HTRA2: variants seen among roughly 807,000 people sequenced by gnomAD.
HTRA2 encodes the protein serine protease HTRA2, mitochondrial.
In HTRA2, 24 loss-of-function variants were observed where a neutral mutation model predicts 42.2. The ratio of observed to expected loss-of-function variants is 0.57; its 90% CI spans 0.41 to 0.80. The LOEUF (loss-of-function observed/expected upper bound fraction) is 0.80. HTRA2 is among the 30% of genes least tolerant of loss of function. The pLI is 0.00. For missense variants in HTRA2, 466 were observed against 613.5 expected (o/e 0.76, Z 2.54); for synonymous variants, 245 against 255.8 (o/e 0.96, Z 0.40).
At position 74,530,288 on chromosome 2, in the gene HTRA2, G is replaced by A. The variant is rs1170065193; in HGVS notation, c.282G>A (p.Glu94=). 2.5e-6 allele frequency: 4 copies of A among 1,604,438 alleles called. No individual in the cohort carries two copies. In the African/African-American group the frequency reaches 5.4e-5, roughly 21 times the overall value. ...TAVTPDTRTR[E]ASENSGTRSR... ...TGACCCCAGATACCAGGACCCGGGA[G>A]GCCTCAGAGAACTCTGGAACCCGTT... is the stretch of plus-strand genomic sequence containing the variant. Residue 94 remains glutamate (E), a synonymous_variant, in exon 1 of 8, where the codon GAG becomes GAA. Transcript: ENST00000258080. The surrounding 1 kb of genome is among the most constrained non-coding windows in gnomAD (Gnocchi z 7.4).
chr2:74,531,110 G>A lies in HTRA2; in HGVS notation c.906+5G>A. The A allele has an allele frequency of 1.2e-6, 2 of 1,613,864 alleles. No homozygotes were observed. The highest frequency in any genetic ancestry group is 1.7e-6 in the Non-Finnish European group (2 of 1,179,800). On this transcript the variant is annotated splice_donor_5th_base_variant and intron_variant, in intron 3 of 7. Coordinates refer to ENST00000258080, the MANE Select transcript of HTRA2 (RefSeq NM_013247.5). Reference sequence around the variant, plus strand: ...CAAACTGATGCAGCTATTGATGTGCGTCCTGATAGGAGAGAAATGACAAAT... The same window carrying A: ...CAAACTGATGCAGCTATTGATGTGCATCCTGATAGGAGAGAAATGACAAAT...
In HTRA2 at chr2:74,532,862, G is replaced by A. The variant is rs757019720; in HGVS notation, c.1254G>A (p.Glu418=). Residue 418 remains glutamate, a synonymous_variant, in exon 8 of 8, where the codon GAG becomes GAA. Transcript: ENST00000258080. ...RPGDVILAIG[E]QMVQNAEDVY... ...GTGATGTGATTTTGGCCATTGGGGA[G>A]CAGATGGTACAAAATGCTGAAGATG... is the stretch of plus-strand genomic sequence containing the variant. The A allele has an allele frequency of 1.2e-6, 2 of 1,614,152 alleles. No homozygotes were observed. The highest frequency in any genetic ancestry group is 1.6e-4 in the Middle Eastern group (1 of 6,062).
chr2:74,530,836 A>G lies in HTRA2; in HGVS notation c.711+15A>G, dbSNP rs772822408. The G allele has an allele frequency of 1.2e-6, 2 of 1,614,178 alleles. No homozygotes were observed. The highest frequency in any genetic ancestry group is 1.7e-6 in the Non-Finnish European group (2 of 1,180,020). On this transcript the variant is annotated intron_variant, in intron 2 of 7. Coordinates refer to ENST00000258080, the MANE Select transcript of HTRA2 (RefSeq NM_013247.5). This position sits in a 1 kb window ranked among gnomAD's most constrained non-coding sequence, Gnocchi z 7.4. ...TTCAGACTAAGGTGGGGGCTGGGGT[A>G]GGCCAGGTCTGGTTGGAGCTGCTTA...
intron 6 of HTRA2, 130 bp from the exon 7 acceptor site, chr2:74,532,489 T>C: frequency 1.4e-6 from 1 of 731,938 alleles, no homozygotes; most frequent in Non-Finnish European, 2.4e-6. Flanking sequence ...TGAGTTGCCA[T>C]TGTATTTTGT....
At chr2:74,531,266 A>G in intron 3 of HTRA2, 73 bp from the exon 4 acceptor site, 2 of 1,581,112 alleles carry the variant, frequency 1.3e-6, no homozygotes, top group South Asian at 1.1e-5. Context: ...ATTTGGAGAA[A>G]GTACCTACAT....
chr2:74,530,404 C>T lies in HTRA2; in HGVS notation c.398C>T (p.Ala133Val). ...GGGRGPPAVL[A>V]AVPSPPPASP... ...GGTCGGGGTCCTCCGGCCGTCCTCG[C>T]CGCCGTCCCTAGCCCGCCGCCCGCT... The change falls in exon 1 of 8, where the codon GCC becomes GTC. Residue 133 changes from alanine to valine, a missense_variant. Around this residue, in one of 3 missense-constraint regions of HTRA2, gnomAD observed 222 missense variants for 205.1 expected, o/e 1.08. Coordinates refer to ENST00000258080, the MANE Select transcript of HTRA2 (RefSeq NM_013247.5). This position sits in a 1 kb window ranked among gnomAD's most constrained non-coding sequence, Gnocchi z 7.4. 1 of 1,596,984 alleles carries T rather than the reference C, an allele frequency of 6.3e-7. No individual in the cohort carries two copies.
chr2:74,531,377 T>C lies in HTRA2; in HGVS notation c.939+6T>C. 6.2e-7 allele frequency: 1 copy of C among 1,613,992 alleles called. No homozygotes were observed. Among genetic ancestry groups the C allele is most frequent in the Non-Finnish European group, 8.5e-7 (1 of 1,179,892 alleles). ...GAGGTCCCCTGGTTAACCTGGTGAGTGAGACATCCTTCCTTCCAAGAATCC... is the reference window on the plus strand; with the variant it reads ...GAGGTCCCCTGGTTAACCTGGTGAGCGAGACATCCTTCCTTCCAAGAATCC... On this transcript the variant is annotated splice_donor_region_variant and intron_variant, in intron 4 of 7. Transcript: ENST00000258080.
Position 74,530,449 on chromosome 2 carries a change from A to T in HTRA2, c.443A>T (p.Asn148Ile). 6.2e-7 allele frequency: 1 copy of T among 1,606,248 alleles called. No individual in the cohort carries two copies. Among genetic ancestry groups the T allele is most frequent in the Non-Finnish European group, 8.5e-7 (1 of 1,179,882 alleles). ...PPPASPRSQY[N>I]FIADVVEKTA... ...CCCGCTTCTCCCCGGAGTCAGTACAACTTCATCGCAGATGTGGTGGAGAAG... is the reference window on the plus strand; with the variant it reads ...CCCGCTTCTCCCCGGAGTCAGTACATCTTCATCGCAGATGTGGTGGAGAAG... The change falls in exon 1 of 8, where the codon AAC (asparagine) becomes ATC (isoleucine). Residue 148 changes from asparagine to isoleucine, a missense_variant. Transcript: ENST00000258080. The surrounding 1 kb of genome is among the most constrained non-coding windows in gnomAD (Gnocchi z 7.4).
chr2:74,531,903 A>T lies in HTRA2; in HGVS notation c.1093A>T (p.Met365Leu), dbSNP rs1292769961. 6.2e-7 allele frequency: 1 copy of T among 1,614,094 alleles called. No homozygotes were observed. Among genetic ancestry groups the T allele is most frequent in the Admixed American group, 1.7e-5 (1 of 60,018 alleles). The part of the protein sequence containing the change: ...SGSQRRYIGV[M>L]MLTLSPSILA... ...GTCCCAGCGGCGCTACATTGGGGTG[A>T]TGATGCTGACCCTGAGTCCCAGGTA... Residue 365 changes from methionine (M) to leucine (L), a missense_variant, in exon 6 of 8, where the codon ATG becomes TTG. Transcript: ENST00000258080.
Position 74,530,016 on chromosome 2 carries a change from C to G in HTRA2, c.10C>G (p.Pro4Ala). The G allele has an allele frequency of 6.5e-7, 1 of 1,540,098 alleles. No individual in the cohort carries two copies. The highest frequency in any genetic ancestry group is 1.2e-5 in the South Asian group (1 of 81,342). Residue 4 changes from proline to alanine, a missense_variant, in exon 1 of 8, where the codon CCG (proline) becomes GCG (alanine). This residue lies in a region of HTRA2 where 222 missense variants were observed against 205.1 expected (regional missense o/e 1.08). Coordinates refer to ENST00000258080, the MANE Select transcript of HTRA2 (RefSeq NM_013247.5). This position sits in a 1 kb window ranked among gnomAD's most constrained non-coding sequence, Gnocchi z 7.4. MAA[P>A]RAGRGAGWSL... ...AGCCAAGGCGGAGCTGATGGCTGCGCCGAGGGCGGGGCGGGGTGCAGGCTG... is the reference window on the plus strand; with the variant it reads ...AGCCAAGGCGGAGCTGATGGCTGCGGCGAGGGCGGGGCGGGGTGCAGGCTG...
At position 74,529,961 on chromosome 2, in the gene HTRA2, G is replaced by T; in HGVS notation, c.-46G>T. 1 of 1,500,816 alleles carries T rather than the reference G, an allele frequency of 6.7e-7. No homozygotes were observed. 93.0% of individuals were successfully genotyped at this position (1,500,816 alleles called of 1,614,324 possible). On this transcript the variant is annotated 5_prime_UTR_variant, in exon 1 of 8. Transcript: ENST00000258080. ...CTGTCCGCCTGCTCGCGTCCTGGGTGCCGCCTCTGAGTAGGGCGGGCGAGG... is the reference window on the plus strand; with the variant it reads ...CTGTCCGCCTGCTCGCGTCCTGGGTTCCGCCTCTGAGTAGGGCGGGCGAGG...
In HTRA2 at chr2:74,530,489, G is replaced by C. The variant is rs751838064; in HGVS notation, c.483G>C (p.Val161=). 9 of 1,610,196 alleles carry C rather than the reference G, an allele frequency of 5.6e-6. No individual in the cohort carries two copies. The African/African-American group carries it at 8.0e-5, about 14-fold the overall frequency. ...ADVVEKTAPA[V]VYIEILDRHP... ...TGGTGGAGAAGACAGCACCTGCCGT[G>C]GTCTATATCGAGATCCTGGACCGGT... The change falls in exon 1 of 8, where the codon GTG becomes GTC. Residue 161 remains valine, a synonymous_variant. Coordinates refer to ENST00000258080, the MANE Select transcript of HTRA2 (RefSeq NM_013247.5). The surrounding 1 kb of genome is among the most constrained non-coding windows in gnomAD (Gnocchi z 7.4).
intron 6 of HTRA2, chr2:74,532,392 T>C (rs1221583133): frequency 7.0e-6 from 4 of 571,120 alleles, no homozygotes; most frequent in Non-Finnish European, 1.3e-5. Context: ...TTAGTGCTAT[T>C]GATTTAACAC....
chr2:74,529,895 A>G (rs1675457012), upstream of HTRA2: 5 of 1,450,948 alleles, frequency 3.4e-6, no homozygotes, highest in Non-Finnish European at 4.5e-6. Flanking sequence ...CCCGGCGTGC[A>G]CTTCTGAAGG....
At position 74,533,276 on chromosome 2, in the gene HTRA2, G is replaced by A. The variant is rs886056347; in HGVS notation, c.*291G>A. On this transcript the variant is annotated 3_prime_UTR_variant, in exon 8 of 8. Transcript: ENST00000258080. Reference sequence around the variant, plus strand: ...CCCTAAACTTAGGGGAGATACTGGAGCTGACCATCCTGACCTCCTATTAAA... The same window carrying A: ...CCCTAAACTTAGGGGAGATACTGGAACTGACCATCCTGACCTCCTATTAAA... The A allele has an allele frequency of 2.4e-5, 13 of 539,668 alleles. No homozygotes were observed. The highest frequency in any genetic ancestry group is 9.7e-4 in the Middle Eastern group (2 of 2,072). 33.4% of individuals were successfully genotyped at this position (539,668 alleles called of 1,614,324 possible).
rs1426196945 is a variant in HTRA2, at chr2:74,530,946, T to C, written c.747T>C (p.Ala249=). The C allele has an allele frequency of 2.5e-6, 4 of 1,614,130 alleles. No individual in the cohort carries two copies. Among genetic ancestry groups the C allele is most frequent in the Non-Finnish European group, 3.4e-6 (4 of 1,180,056 alleles). Residue 249 remains alanine, a synonymous_variant, in exon 3 of 8, where the codon GCT becomes GCC. Transcript: ENST00000258080. This position sits in a 1 kb window ranked among gnomAD's most constrained non-coding sequence, Gnocchi z 7.4. ...CCACGCTGCCTCTGGGACGCTCAGC[T>C]GATGTCCGGCAAGGGGAGTTTGTTG... The part of the protein sequence containing the change: ...PLPTLPLGRS[A]DVRQGEFVVA...
chr2:74,529,802 C>T (rs1406133719), upstream of HTRA2: 4 of 1,434,816 alleles, frequency 2.8e-6, no homozygotes, highest in African/African-American at 5.7e-5. Context: ...GCCCCTTGGG[C>T]CGTCTCACAA....
rs766913545 is a variant in HTRA2, at chr2:74,529,985, G to A, written c.-22G>A. The A allele has an allele frequency of 3.3e-6, 5 of 1,516,128 alleles. No homozygotes were observed. The highest frequency in any genetic ancestry group is 4.4e-6 in the Non-Finnish European group (5 of 1,132,756). 93.9% of individuals were successfully genotyped at this position (1,516,128 alleles called of 1,614,324 possible). A position where few individuals can be genotyped will look rare whatever the true frequency, so the allele number is the denominator to read the frequency against. ...TGCCGCCTCTGAGTAGGGCGGGCGA[G>A]GAGGCAGCCAAGGCGGAGCTGATGG... On this transcript the variant is annotated 5_prime_UTR_variant, in exon 1 of 8. Coordinates refer to ENST00000258080, the MANE Select transcript of HTRA2 (RefSeq NM_013247.5).
At chr2:74,532,177 G>C (rs527841288) in intron 6 of HTRA2, among the ~76,000 whole-genome samples, 14 of 152,244 alleles carry the variant, frequency 9.2e-5, no homozygotes, top group Admixed American at 2.0e-4. Context: ...TGGCATTTAA[G>C]GGCCATTTTC....
Sources: allele counts gnomAD v4.1 joint callset (sites outside exome capture counted in the v4.1 genomes callset), GRCh38; gene constraint gnomAD v4.1.1; regional missense constraint gnomAD v4.1.1; non-coding constraint Gnocchi (gnomAD v3.1); transcripts MANE v1.5; gene names NCBI Gene and HGNC (gene_info 2026-07-23, HGNC 2026-07-21).